Variants in MACC1 observed in about 807,000 individuals in gnomAD.
MACC1 encodes MET transcriptional regulator MACC1, also known as metastasis-associated in colon cancer protein 1.
In MACC1, 79 loss-of-function variants were observed where a neutral mutation model predicts 70.7. The observed-to-expected ratio is 1.12, with a 90% CI of 0.93 to 1.35. The LOEUF is 1.35. MACC1 is among the 40% of genes most tolerant of loss of function. MACC1 has a pLI of 0.00. For synonymous variants in MACC1, 361 were observed against 347.2 expected (o/e 1.04, Z -0.44); for missense variants, 1,106 against 978.1 (o/e 1.13, Z -1.74).
intron 1 of MACC1, among the ~76,000 whole-genome samples, chr7:20,212,506 G>A (rs1583415281): frequency 6.6e-6 from 1 of 152,178 alleles, no homozygotes; most frequent in Non-Finnish European, 1.5e-5. Context: ...AGTACCTGAA[G>A]AATCTCTCTT....
intron 1 of MACC1, among the ~76,000 whole-genome samples, chr7:20,206,552 C>A (rs1782912769): frequency 6.6e-6 from 1 of 152,168 alleles, no homozygotes; most frequent in Non-Finnish European, 1.5e-5. Flanking sequence ...CATCAGAGAG[C>A]AGCACCCTGA....
intron 1 of MACC1, among the ~76,000 whole-genome samples, chr7:20,195,982 G>A (rs1782745493): frequency 6.6e-6 from 1 of 151,906 alleles, no homozygotes; most frequent in Non-Finnish European, 1.5e-5. Flanking sequence ...GTCAGTTGTC[G>A]TGTCTAAACT....
chr7:20,179,125 TTTC>T (rs373001410), intron 1 of MACC1, among the ~76,000 whole-genome samples: 257 of 152,344 alleles, frequency 1.7e-3, no homozygotes, highest in African/African-American at 5.7e-3. Context: ...TTGTTGAGGT[TTTC>T]TTTTTCCATA....
At chr7:20,146,625 C>A (rs946694716) in intron 6 of MACC1, among the ~76,000 whole-genome samples, 2 of 152,190 alleles carry the variant, frequency 1.3e-5, no homozygotes, top group Non-Finnish European at 2.9e-5. Context: ...GCCAAGATCT[C>A]TTCCAGATTT....
chr7:20,150,523 C>G (rs2128101295), intron 6 of MACC1: 1 of 152,316 alleles, frequency 6.6e-6, no homozygotes, highest in East Asian at 1.9e-4. Context: ...AGTATTAGAT[C>G]TGCATTGATT....
At chr7:20,200,237 TA>T (rs2128108148) in intron 1 of MACC1, among the ~76,000 whole-genome samples, 1 of 140,474 alleles carries the variant, frequency 7.1e-6, no homozygotes, top group African/African-American at 2.6e-5. Context: ...ACTAGATTAC[TA>T]GATTTAAAAG....
intron 6 of MACC1, among the ~76,000 whole-genome samples, chr7:20,146,879 T>C (rs184843960): frequency 5.3e-4 from 80 of 152,342 alleles, no homozygotes; most frequent in African/African-American, 1.8e-3. Context: ...TATTCTTAGA[T>C]TTTTAATGGT....
intron 6 of MACC1, 54 bp downstream of exon 6, chr7:20,154,139 G>T: frequency 3.2e-6 from 5 of 1,579,410 alleles, no homozygotes; most frequent in Non-Finnish European, 4.3e-6. Context: ...GATTACATTA[G>T]TGTTACTTGG....
At chr7:20,178,094 G>A (rs965014902) in intron 1 of MACC1, among the ~76,000 whole-genome samples, 50 of 151,978 alleles carry the variant, frequency 3.3e-4, no homozygotes, top group African/African-American at 1.2e-3. Context: ...ACATTTTGTA[G>A]TAAGTTTTAA....
intron 6 of MACC1, among the ~76,000 whole-genome samples, chr7:20,145,570 A>G (rs924193529): frequency 1.3e-5 from 2 of 152,214 alleles, no homozygotes; most frequent in African/African-American, 4.8e-5. Context: ...GTAATATTCT[A>G]TGATGGCAAG....
At chr7:20,211,550 C>G (rs1460144547) in intron 1 of MACC1, among the ~76,000 whole-genome samples, 3 of 152,124 alleles carry the variant, frequency 2.0e-5, no homozygotes, top group African/African-American at 7.2e-5. Flanking sequence ...ATATCTGAGT[C>G]TCCCAGATGC....
intron 5 of MACC1, among the ~76,000 whole-genome samples, chr7:20,155,552 A>C (rs753881794): frequency 3.3e-5 from 5 of 152,214 alleles, no homozygotes; most frequent in East Asian, 1.9e-4. Flanking sequence ...AGAAAGTGAA[A>C]CTGTGGATAA....
intron 1 of MACC1, among the ~76,000 whole-genome samples, chr7:20,205,467 C>T (rs1464855683): frequency 6.6e-6 from 1 of 152,132 alleles, no homozygotes; most frequent in Non-Finnish European, 1.5e-5. Context: ...ATCTCAATTT[C>T]CTAAAACCAC....
rs952336813 is a variant in MACC1 at position 20,138,825 on chromosome 7, A to C, written c.*2121T>G. The C allele has an allele frequency of 6.6e-6, 1 of 151,832 alleles. No homozygotes were observed. The highest frequency in any genetic ancestry group is 1.5e-5 in the Non-Finnish European group (1 of 67,974). The allele number at this position is 151,832 out of a possible 1,614,324, so 9.4% of individuals were successfully genotyped here. A position where few individuals can be genotyped will look rare whatever the true frequency, so the allele number is the denominator to read the frequency against. ...GTAGCTGGGACTACAGGCGCCTGCC[A>C]CCACGCCCGGCTAATTTTTTGTATT... On this transcript the variant is annotated 3_prime_UTR_variant, in exon 7 of 7. Transcript: ENST00000400331.
chr7:20,159,371 TTTATAAATGTA>T lies in MACC1; in HGVS notation c.979_989del (p.Tyr327ArgfsTer23). ...CGATTAGCTTGACTTGGATGGTGTC[TTTATAAATGTA>T]GCAGTTGCTTAAAACTTTAAAAGGG... On this transcript the variant is annotated frameshift_variant, in exon 5 of 7. Transcript: ENST00000400331. LOFTEE classifies it high-confidence loss of function. The T allele has an allele frequency of 6.2e-7, 1 of 1,614,110 alleles. No homozygotes were observed.
chr7:20,190,077 G>T (rs139335801), intron 1 of MACC1, among the ~76,000 whole-genome samples: 1 of 152,158 alleles, frequency 6.6e-6, no homozygotes, highest in South Asian at 2.1e-4. Context: ...CTTCTCAAAG[G>T]CTTCACCTCC....
At chr7:20,156,443 A>C (rs1782056082) in intron 5 of MACC1, among the ~76,000 whole-genome samples, 1 of 152,250 alleles carries the variant, frequency 6.6e-6, no homozygotes, top group Non-Finnish European at 1.5e-5. Flanking sequence ...GACCATCATT[A>C]ATGACCTTTG....
intron 6 of MACC1, among the ~76,000 whole-genome samples, chr7:20,153,913 A>G (rs2128101865): frequency 6.6e-6 from 1 of 152,224 alleles, no homozygotes; most frequent in South Asian, 2.1e-4. Context: ...AGCCATCCCC[A>G]CTTACTGGCC....
chr7:20,199,524 C>T (rs978408112), intron 1 of MACC1, among the ~76,000 whole-genome samples: 2 of 152,238 alleles, frequency 1.3e-5, no homozygotes, highest in African/African-American at 4.8e-5. Context: ...CTGAAACCAA[C>T]CTGCCCTCTC....
Sources: allele counts gnomAD v4.1 joint callset (sites outside exome capture counted in the v4.1 genomes callset), GRCh38; gene constraint gnomAD v4.1.1; transcripts MANE v1.5; gene names NCBI Gene and HGNC (gene_info 2026-07-23, HGNC 2026-07-21).